NUMA1: variants seen among roughly 807,000 people sequenced by gnomAD.
NUMA1 encodes SP-H antigen.
NUMA1 carries 62 observed loss-of-function variants against 237.1 expected under a neutral mutation model. The observed-to-expected ratio is 0.26, with a 90% CI of 0.21 to 0.32. NUMA1 has a LOEUF of 0.32. Ranked by LOEUF, NUMA1 falls within the 10% of genes least tolerant of loss-of-function variation. NUMA1 has a pLI of 1.00. For missense variants in NUMA1, 2,533 were observed against 2,666.5 expected, an observed-to-expected ratio of 0.95 and a Z score of 1.10; for synonymous variants, 1,028 against 1,066.1, an observed-to-expected ratio of 0.96 and a Z score of 0.70.
intron 1 of NUMA1, among the ~76,000 whole-genome samples, chr11:72,079,402 G>A (rs1258795095): frequency 6.6e-6 from 1 of 152,160 alleles, no homozygotes; most frequent in Non-Finnish European, 1.5e-5. Context: ...TTAGCCGGGT[G>A]TGGTAGCGGG....
chr11:72,071,562 A>G (rs183073276), intron 1 of NUMA1, among the ~76,000 whole-genome samples: 80 of 152,376 alleles, frequency 5.3e-4, no homozygotes, highest in Non-Finnish European at 9.8e-4. Flanking sequence ...AAAAAACTCA[A>G]TAAAAGACAT....
At position 72,013,079 on chromosome 11, in the gene NUMA1, T is replaced by G. The variant is rs751548579; in HGVS notation, c.4424A>C (p.Lys1475Thr). 1.2e-6 allele frequency: 2 copies of G among 1,614,146 alleles called. No individual in the cohort carries two copies. Among genetic ancestry groups the G allele is most frequent in the South Asian group, 2.2e-5 (2 of 91,080 alleles). The change falls in exon 15 of 27, where the codon AAG becomes ACG. Residue 1475 changes from lysine to threonine, a missense_variant. Lys to Thr is a moderately conservative substitution (Grantham distance 78). Coordinates refer to ENST00000393695, the MANE Select transcript of NUMA1 (RefSeq NM_006185.4). This position sits in a 1 kb window ranked among gnomAD's most constrained non-coding sequence, Gnocchi z 6.8. ...TACGGCTGCCAACTCTTGGACATAC[T>G]TCTCCCGGGCCTGGTCCAACTCCAC... ...LEVELDQARE[K>T]YVQELAAVRA...
Position 72,004,263 on chromosome 11 carries a change from C to T in NUMA1, c.6085G>A (p.Glu2029Lys), listed in dbSNP as rs1219748377. The T allele has an allele frequency of 6.2e-7, 1 of 1,612,944 alleles. No individual in the cohort carries two copies. The highest frequency in any genetic ancestry group is 8.5e-7 in the Non-Finnish European group (1 of 1,179,784). ...RHEGRKQSTT[E>K]AQKKAAPAST... Reference sequence around the variant, plus strand: ...GCTGGAGCTGCTTTCTTCTGGGCCTCAGTAGTGCTCTGTTTGCGCCCTTCA... The same window carrying T: ...GCTGGAGCTGCTTTCTTCTGGGCCTTAGTAGTGCTCTGTTTGCGCCCTTCA... The change falls in exon 25 of 27, where the codon GAG becomes AAG. Residue 2029 changes from glutamate (E) to lysine (K), a missense_variant. By Grantham distance (56) the Glu-to-Lys change is moderately conservative. Coordinates refer to ENST00000393695, the MANE Select transcript of NUMA1 (RefSeq NM_006185.4).
At chr11:72,076,928 CAAAAACAAGATCACG>C (rs907457647) in intron 1 of NUMA1, among the ~76,000 whole-genome samples, 5 of 151,850 alleles carry the variant, frequency 3.3e-5, no homozygotes, top group African/African-American at 9.7e-5. Flanking sequence ...AAACATGAGA[CAAAAACAAGATCACG>C]AAAAACAAGC....
intron 2 of NUMA1, among the ~76,000 whole-genome samples, chr11:72,060,384 C>G (rs1450036075): frequency 6.6e-6 from 1 of 152,212 alleles, no homozygotes; most frequent in Non-Finnish European, 1.5e-5. Context: ...CACCTGTAAT[C>G]CCAGTGCTTT....
intron 2 of NUMA1, among the ~76,000 whole-genome samples, chr11:72,057,422 A>G (rs1311957740): frequency 6.6e-6 from 1 of 152,146 alleles, no homozygotes; most frequent in Non-Finnish European, 1.5e-5. Flanking sequence ...TCATTAACTC[A>G]CTAAAAAATA....
At chr11:72,033,468 C>T (rs544762591) in intron 3 of NUMA1, among the ~76,000 whole-genome samples, 90 of 151,800 alleles carry the variant, frequency 5.9e-4, no homozygotes, top group African/African-American at 2.1e-3. Flanking sequence ...ACCTCCACAG[C>T]CTCAGGTGAT....
chr11:72,006,474 A>AT (rs1266217518), intron 21 of NUMA1, among the ~76,000 whole-genome samples: 2 of 152,084 alleles, frequency 1.3e-5, no homozygotes, highest in East Asian at 1.9e-4. Flanking sequence ...TCTTCTACGC[A>AT]TTTTTTTCAT....
At chr11:72,024,820 G>C (rs944558948) in intron 4 of NUMA1, 4 of 159,550 alleles carry the variant, frequency 2.5e-5, no homozygotes, top group Non-Finnish European at 5.5e-5. Flanking sequence ...GAAGTGACAG[G>C]GTGAAGTTCC....
chr11:72,018,276 G>A lies in NUMA1; in HGVS notation c.885C>T (p.Thr295=). The A allele has an allele frequency of 1.9e-6, 3 of 1,614,178 alleles. No individual in the cohort carries two copies. The South Asian group carries it at 3.3e-5, about 18-fold the overall frequency. ...TCTTCAGGTCCTGGCACTGCTTCAGGGTTTCATGCAGCCGCATGGTAAGGC... is the reference window on the plus strand; with the variant it reads ...TCTTCAGGTCCTGGCACTGCTTCAGAGTTTCATGCAGCCGCATGGTAAGGC... ...NESLTMRLHE[T]LKQCQDLKTE... The change falls in exon 12 of 27, where the codon ACC becomes ACT. Residue 295 remains threonine (T), a synonymous_variant. Coordinates refer to ENST00000393695, the MANE Select transcript of NUMA1 (RefSeq NM_006185.4).
intron 1 of NUMA1, among the ~76,000 whole-genome samples, chr11:72,070,596 T>G (rs528568374): frequency 3.9e-5 from 6 of 152,140 alleles, no homozygotes; most frequent in Non-Finnish European, 8.8e-5. Context: ...TCGCTTGAGC[T>G]CAGGAGTTCC....
chr11:72,059,193 T>C (rs1320157636), intron 2 of NUMA1, among the ~76,000 whole-genome samples: 1 of 152,226 alleles, frequency 6.6e-6, no homozygotes, highest in Non-Finnish European at 1.5e-5. Context: ...AATCATACCA[T>C]ATAATATGTT....
chr11:72,055,331 T>C (rs1942577655), intron 2 of NUMA1, among the ~76,000 whole-genome samples: 1 of 152,102 alleles, frequency 6.6e-6, no homozygotes, highest in Non-Finnish European at 1.5e-5. Context: ...CAAAGAGGAA[T>C]GAAGTCCAGA....
chr11:72,018,326 G>C, intron 11 of NUMA1, 26 bp from the exon 12 acceptor site: 3 of 1,609,144 alleles, frequency 1.9e-6, no homozygotes, highest in Non-Finnish European at 2.6e-6. Context: ...GCAGTGAGAA[G>C]AGAGTATGGG....
Position 72,004,225 on chromosome 11 carries a change from C to CTGTT in NUMA1, c.6119_6122dup (p.Ala2042ThrfsTer3). Reference sequence around the variant, plus strand: ...CATCCCCCTTCAGCCCCAGCCTCACCTGTTTAGTAGAAGCTGGAGCTGCTT... The same window carrying CTGTT: ...CATCCCCCTTCAGCCCCAGCCTCACCTGTTTGTTTAGTAGAAGCTGGAGCTGCTT... On this transcript the variant is annotated frameshift_variant and splice_region_variant, in exon 25 of 27. Coordinates refer to ENST00000393695, the MANE Select transcript of NUMA1 (RefSeq NM_006185.4). LOFTEE classifies it high-confidence loss of function. 6.2e-7 allele frequency: 1 copy of CTGTT among 1,610,202 alleles called. No individual in the cohort carries two copies. The highest frequency in any genetic ancestry group is 8.5e-7 in the Non-Finnish European group (1 of 1,178,916).
rs776760019 is a variant in NUMA1, at chr11:72,016,272, A to G, written c.1243-12T>C. 1 of 1,589,908 alleles carries G rather than the reference A, an allele frequency of 6.3e-7. No individual in the cohort carries two copies. Among genetic ancestry groups the G allele is most frequent in the Admixed American group, 1.7e-5 (1 of 58,858 alleles). On this transcript the variant is annotated splice_polypyrimidine_tract_variant and intron_variant, in intron 14 of 26. Coordinates refer to ENST00000393695, the MANE Select transcript of NUMA1 (RefSeq NM_006185.4). Reference sequence around the variant, plus strand: ...TTCAAGGTTTCCAGCTGGTGGTATAAAGAGACAAACTGGGATCAGCATGAC... The same window carrying G: ...TTCAAGGTTTCCAGCTGGTGGTATAGAGAGACAAACTGGGATCAGCATGAC...
At chr11:72,076,942 C>T (rs549587812) in intron 1 of NUMA1, among the ~76,000 whole-genome samples, 8 of 151,794 alleles carry the variant, frequency 5.3e-5, no homozygotes, top group Admixed American at 3.9e-4. Context: ...AACAAGATCA[C>T]GAAAAACAAG....
chr11:72,050,555 A>T (rs1035268779), intron 2 of NUMA1: 5 of 152,254 alleles, frequency 3.3e-5, no homozygotes, highest in Non-Finnish European at 7.3e-5. Flanking sequence ...ATTTTTAAGG[A>T]AGGCTGTGTC....
intron 2 of NUMA1, among the ~76,000 whole-genome samples, chr11:72,046,959 C>CA (rs1257711464): frequency 1.4e-5 from 2 of 146,840 alleles, no homozygotes; most frequent in African/African-American, 2.5e-5. Context: ...GACTCCATTG[C>CA]AAAAAAAGAG....
Sources: gnomAD v4.1 joint callset for allele counts (sites outside exome capture counted in the v4.1 genomes callset) on GRCh38, gnomAD v4.1.1 for gene constraint, Gnocchi (gnomAD v3.1) non-coding constraint, MANE v1.5 for transcripts, NCBI Gene and HGNC (gene_info 2026-07-23, HGNC 2026-07-21) for gene names.